The following FSTL4 variants were observed in gnomAD, a reference collection of about 807,000 sequenced individuals.
The protein encoded by FSTL4 is follistatin like 4.
Under a neutral mutation model 78.2 loss-of-function variants are expected in FSTL4, and 28 were observed. That is an observed-to-expected ratio of 0.36 (90% confidence interval 0.27 to 0.49). FSTL4 has a LOEUF of 0.49. Ranked by LOEUF, FSTL4 falls within the 20% of genes least tolerant of loss-of-function variation. The pLI is 0.98. For missense variants in FSTL4, 922 were observed against 1,084.9 expected, an observed-to-expected ratio of 0.85 and a Z score of 2.11; for synonymous variants, 422 against 440.5, an observed-to-expected ratio of 0.96 and a Z score of 0.53.
chr5:133,330,810 A>T (rs1754328017), intron 4 of FSTL4, among the ~76,000 whole-genome samples: 1 of 152,230 alleles, frequency 6.6e-6, no homozygotes, highest in Non-Finnish European at 1.5e-5. Context: ...TTACAAGAGC[A>T]ACCCAAATCT....
intron 3 of FSTL4, among the ~76,000 whole-genome samples, chr5:133,546,058 C>G (rs1759567120): frequency 6.6e-6 from 1 of 152,224 alleles, no homozygotes; most frequent in Non-Finnish European, 1.5e-5. Context: ...GAAGAAATAT[C>G]TAAGTGTCAG....
chr5:133,770,376 C>T, the FSTL4 span, among the ~76,000 whole-genome samples: 3 of 152,214 alleles, frequency 2.0e-5, no homozygotes, highest in East Asian at 5.8e-4. Flanking sequence ...TTTCCACATC[C>T]TTGCCAATAT....
At chr5:133,303,285 G>A (rs1753588821) in intron 6 of FSTL4, among the ~76,000 whole-genome samples, 1 of 152,336 alleles carries the variant, frequency 6.6e-6, no homozygotes, top group African/African-American at 2.4e-5. Context: ...AGCTGCTCAG[G>A]AAGGGCCACG....
At chr5:133,669,672 C>A in the FSTL4 span, among the ~76,000 whole-genome samples, 1 of 152,182 alleles carries the variant, frequency 6.6e-6, no homozygotes, top group African/African-American at 2.4e-5. Context: ...TATCCACCCT[C>A]ACACACCAAC....
the FSTL4 span, among the ~76,000 whole-genome samples, chr5:133,677,367 G>T: frequency 6.6e-6 from 1 of 152,280 alleles, no homozygotes; most frequent in East Asian, 1.9e-4. Context: ...CATGGATGTG[G>T]ATATGGAATT....
the FSTL4 span, among the ~76,000 whole-genome samples, chr5:133,714,511 G>T: frequency 3.9e-5 from 6 of 152,290 alleles, no homozygotes; most frequent in East Asian, 9.6e-4. Context: ...GTACAGAGGA[G>T]GTACTCAAAA....
chr5:133,763,434 T>C, the FSTL4 span, among the ~76,000 whole-genome samples: 9 of 152,218 alleles, frequency 5.9e-5, no homozygotes, highest in Admixed American at 5.9e-4. Context: ...TTGGTTTTCT[T>C]GACAAATAAT....
the FSTL4 span, among the ~76,000 whole-genome samples, chr5:133,679,644 C>T: frequency 1.3e-5 from 2 of 152,110 alleles, no homozygotes; most frequent in Non-Finnish European, 2.9e-5. Context: ...TGAAAGTAAA[C>T]TCTGACAGTG....
the FSTL4 span, among the ~76,000 whole-genome samples, chr5:133,695,431 A>C: frequency 2.0e-5 from 3 of 152,144 alleles, no homozygotes. Flanking sequence ...CCCTTCTCAA[A>C]TGTCAAAGCA....
At chr5:133,343,487 C>A (rs73263713) in intron 4 of FSTL4, among the ~76,000 whole-genome samples, 1 of 152,202 alleles carries the variant, frequency 6.6e-6, no homozygotes, top group Non-Finnish European at 1.5e-5. Flanking sequence ...CAAAACACTG[C>A]GGCATCCTTC....
chr5:133,505,128 A>G (rs1455306448), intron 3 of FSTL4, among the ~76,000 whole-genome samples: 1 of 152,246 alleles, frequency 6.6e-6, no homozygotes, highest in Non-Finnish European at 1.5e-5. Flanking sequence ...TTAACAGAGA[A>G]TAGGCTGGAT....
At chr5:133,420,936 C>T (rs1188163984) in intron 3 of FSTL4, among the ~76,000 whole-genome samples, 4 of 152,212 alleles carry the variant, frequency 2.6e-5, no homozygotes, top group East Asian at 1.9e-4. Flanking sequence ...CTTGCAGCCT[C>T]GGCTCATGTG....
intron 6 of FSTL4, among the ~76,000 whole-genome samples, chr5:133,279,851 G>T (rs1752971506): frequency 6.6e-6 from 1 of 152,230 alleles, no homozygotes; most frequent in Non-Finnish European, 1.5e-5. Flanking sequence ...AATCATCCTG[G>T]ATTTACTGTG....
At chr5:133,346,314 A>G (rs1754697321) in intron 4 of FSTL4, among the ~76,000 whole-genome samples, 1 of 152,128 alleles carries the variant, frequency 6.6e-6, no homozygotes, top group Non-Finnish European at 1.5e-5. Flanking sequence ...AACCTAGATG[A>G]TGGGTTGATG....
In FSTL4 at chr5:133,202,031, T is replaced by G. The variant is rs1447866112; in HGVS notation, c.1728A>C (p.Glu576Asp). 2 of 1,607,546 alleles carry G rather than the reference T, an allele frequency of 1.2e-6. No homozygotes were observed. Among genetic ancestry groups the G allele is most frequent in the Admixed American group, 3.4e-5 (2 of 59,664 alleles). Residue 576 changes from glutamate (E) to aspartate (D), a missense_variant, in exon 15 of 16, where the codon GAA becomes GAC. Physicochemically the swap from Glu to Asp is conservative, Grantham distance 45 (BLOSUM62 2). Coordinates refer to ENST00000265342, the MANE Select transcript of FSTL4 (RefSeq NM_015082.2). The part of the protein sequence containing the change: ...KSRPSLQVIT[E>D]ASTGQSQHLI... ...GGTGCTGGCTCTGGCCGGTGCTGGC[T>G]TCTGTGATCACCTACAACACAGAGT...
chr5:133,649,439 A>T, the FSTL4 span, among the ~76,000 whole-genome samples: 1 of 152,204 alleles, frequency 6.6e-6, no homozygotes, highest in South Asian at 2.1e-4. Flanking sequence ...TTAGTTTTGT[A>T]AGAAACTGCT....
chr5:133,396,151 A>C (rs893958323), intron 4 of FSTL4, among the ~76,000 whole-genome samples: 1 of 152,134 alleles, frequency 6.6e-6, no homozygotes, highest in Non-Finnish European at 1.5e-5. Flanking sequence ...TTGTCACATA[A>C]ATGGGCAAGG....
chr5:133,562,134 T>C (rs1170846544), intron 3 of FSTL4, among the ~76,000 whole-genome samples: 1 of 152,132 alleles, frequency 6.6e-6, no homozygotes, highest in Non-Finnish European at 1.5e-5. Flanking sequence ...GACCCACGGC[T>C]CCAGGCACTG....
At chr5:133,659,878 C>A in the FSTL4 span, among the ~76,000 whole-genome samples, 3 of 151,378 alleles carry the variant, frequency 2.0e-5, no homozygotes, top group Admixed American at 1.3e-4. Flanking sequence ...GAGAAATAGA[C>A]AAAAACAAGC....
Sources: gnomAD v4.1 joint callset for allele counts (sites outside exome capture counted in the v4.1 genomes callset) on GRCh38, gnomAD v4.1.1 for gene constraint, MANE v1.5 for transcripts, NCBI Gene and HGNC (gene_info 2026-07-23, HGNC 2026-07-21) for gene names.